Variants in SASS6 observed in about 807,000 individuals in gnomAD.
SASS6 encodes the protein SAS-6 centriolar assembly protein.
Under a neutral mutation model 94.9 loss-of-function variants are expected in SASS6, and 59 were observed. The ratio of observed to expected loss-of-function variants is 0.62; its 90% confidence interval spans 0.50 to 0.77. SASS6 has a LOEUF of 0.77. Ranked by LOEUF, SASS6 falls within the 30% of genes least tolerant of loss-of-function variation. SASS6 has a pLI of 0.00. For synonymous variants in SASS6, 264 were observed against 270.0 expected, an observed-to-expected ratio of 0.98 and a Z score of 0.22; for missense variants, 698 against 734.1, an observed-to-expected ratio of 0.95 and a Z score of 0.57.
chr1:100,108,737 C>T (rs554003023), intron 8 of SASS6, among the ~76,000 whole-genome samples: 1 of 152,058 alleles, frequency 6.6e-6, no homozygotes, highest in African/African-American at 2.4e-5. Context: ...CCTGGCTCTT[C>T]TACTGTGTGA....
Position 100,128,025 on chromosome 1 carries a change from T to TTTTAATTA in SASS6, c.66-2091_66-2084dup, listed in dbSNP as rs1483915416. Among the ~76,000 whole-genome samples, 18 of 152,158 alleles carry TTTTAATTA rather than the reference T, an allele frequency of 1.2e-4. No homozygotes were observed. In the East Asian group the frequency reaches 3.3e-3, roughly 28 times the overall value. ...TATGGTGCTTTACAGTTTATTTTTA[T>TTTTAATTA]TTTAATTATTTATTTATTTATTTAT... On this transcript the variant is annotated intron_variant, in intron 1 of 16. Transcript: ENST00000287482.
At chr1:100,086,455 C>G (rs1570678951) in intron 15 of SASS6, among the ~76,000 whole-genome samples, 1 of 151,444 alleles carries the variant, frequency 6.6e-6, no homozygotes, top group Non-Finnish European at 1.5e-5. Context: ...TGACTTCATA[C>G]TACAAATACG....
intron 14 of SASS6, among the ~76,000 whole-genome samples, chr1:100,091,250 T>C (rs966345985): frequency 1.3e-5 from 2 of 152,108 alleles, no homozygotes; most frequent in Non-Finnish European, 2.9e-5. Flanking sequence ...TGAGCTGAGA[T>C]TGCACCACTA....
chr1:100,097,251 T>G (rs1432456338), intron 14 of SASS6, among the ~76,000 whole-genome samples: 2 of 152,202 alleles, frequency 1.3e-5, no homozygotes, highest in African/African-American at 4.8e-5. Context: ...AAAAACACTT[T>G]GGAAAAGTTT....
chr1:100,121,625 A>G, intron 4 of SASS6, 76 bp from the exon 5 acceptor site: 1 of 836,860 alleles, frequency 1.2e-6, no homozygotes, highest in East Asian at 2.7e-5. Flanking sequence ...AAGCTTCTCT[A>G]CTTAAGAAAG....
chr1:100,097,322 C>T lies in SASS6; in HGVS notation c.1674+5633G>A, dbSNP rs1040651104. The stretch of plus-strand genomic sequence containing the variant: ...CATTCCATTCCTGGGTACTCACCCA[C>T]AATAAATACAAAGACTTGTACACAT... On this transcript the variant is annotated intron_variant, in intron 14 of 16. Coordinates refer to ENST00000287482, the MANE Select transcript of SASS6 (RefSeq NM_194292.3). Among the ~76,000 whole-genome samples the T allele has an allele frequency of 4.6e-5, 7 of 152,256 alleles. No individual in the cohort carries two copies. The East Asian group carries it at 1.3e-3, about 29-fold the overall frequency.
intron 14 of SASS6, among the ~76,000 whole-genome samples, chr1:100,090,715 C>A (rs543893301): frequency 6.6e-6 from 1 of 152,060 alleles, no homozygotes; most frequent in Admixed American, 6.6e-5. Flanking sequence ...GATACAATTA[C>A]AGGAACTGCA....
intron 2 of SASS6, among the ~76,000 whole-genome samples, chr1:100,124,635 C>G (rs1654433893): frequency 6.6e-6 from 1 of 152,210 alleles, no homozygotes; most frequent in Non-Finnish European, 1.5e-5. Flanking sequence ...CCTACTTCAG[C>G]CTCCCAAAGT....
intron 13 of SASS6, among the ~76,000 whole-genome samples, chr1:100,104,260 T>C (rs982429812): frequency 7.9e-5 from 12 of 152,226 alleles, no homozygotes; most frequent in Non-Finnish European, 1.6e-4. Context: ...TATTCAGGCA[T>C]GATTATGAAA....
intron 1 of SASS6, among the ~76,000 whole-genome samples, chr1:100,126,871 T>C (rs1278449558): frequency 6.6e-6 from 1 of 152,250 alleles, no homozygotes; most frequent in Non-Finnish European, 1.5e-5. Flanking sequence ...CCTACATTTA[T>C]TCATACAAAA....
At chr1:100,117,185 G>A (rs1653852854) in intron 7 of SASS6, among the ~76,000 whole-genome samples, 1 of 151,650 alleles carries the variant, frequency 6.6e-6, no homozygotes, top group African/African-American at 2.4e-5. Context: ...CCAGCTACTT[G>A]GGAGGCTGAG....
chr1:100,121,996 G>A (rs1159087341), intron 4 of SASS6, among the ~76,000 whole-genome samples: 1 of 152,120 alleles, frequency 6.6e-6, no homozygotes, highest in Admixed American at 6.5e-5. Context: ...TGAAATAACT[G>A]ATTCAACAAC....
At chr1:100,108,432 GTAT>G (rs1264003147) in intron 8 of SASS6, among the ~76,000 whole-genome samples, 1 of 151,870 alleles carries the variant, frequency 6.6e-6, no homozygotes, top group Non-Finnish European at 1.5e-5. Flanking sequence ...CCTTCTTCAC[GTAT>G]TACAAATATC....
chr1:100,092,265 T>C (rs951949988), intron 14 of SASS6, among the ~76,000 whole-genome samples: 26 of 151,994 alleles, frequency 1.7e-4, no homozygotes, highest in Non-Finnish European at 7.4e-5. Context: ...TTGGAAATCA[T>C]GGAATCCTAA....
chr1:100,131,794 C>A (rs1570717127), intron 1 of SASS6, among the ~76,000 whole-genome samples: 1 of 152,208 alleles, frequency 6.6e-6, no homozygotes, highest in South Asian at 2.1e-4. Flanking sequence ...TTTTATGTTA[C>A]ATTTGTACAC....
intron 14 of SASS6, among the ~76,000 whole-genome samples, chr1:100,094,520 T>C (rs1557880576): frequency 6.6e-6 from 1 of 152,164 alleles, no homozygotes; most frequent in African/African-American, 2.4e-5. Context: ...TACAGGCCAA[T>C]ATGCTTTATG....
In SASS6 at chr1:100,098,798, T is replaced by C. The variant is rs541905679; in HGVS notation, c.1674+4157A>G. Among the ~76,000 whole-genome samples the C allele has an allele frequency of 2.5e-4, 38 of 152,346 alleles. 1 individual carries two copies. The South Asian group carries it at 7.5e-3, about 30-fold the overall frequency. On this transcript the variant is annotated intron_variant, in intron 14 of 16. Transcript: ENST00000287482. ...TGATACACTGCAGTTACCTATTCCA[T>C]AATACCATTAAATGAAAAAAGCAAG...
chr1:100,093,259 C>T (rs1651880368), intron 14 of SASS6, among the ~76,000 whole-genome samples: 5 of 150,048 alleles, frequency 3.3e-5, no homozygotes, highest in Admixed American at 3.3e-4. Context: ...AGCTCACTGC[C>T]ACCTCCACAT....
At chr1:100,119,841 C>T (rs189465564) in intron 6 of SASS6, among the ~76,000 whole-genome samples, 6 of 152,196 alleles carry the variant, frequency 3.9e-5, no homozygotes, top group African/African-American at 1.4e-4. Context: ...GCTTGTACAG[C>T]CTACAGAACA....
Sources: allele counts gnomAD v4.1 joint callset (sites outside exome capture counted in the v4.1 genomes callset), GRCh38; gene constraint gnomAD v4.1.1; transcripts MANE v1.5; gene names NCBI Gene and HGNC (gene_info 2026-07-23, HGNC 2026-07-21).